Variants in RCAN1 observed in about 807,000 individuals in gnomAD.
RCAN1 encodes regulator of calcineurin 1, also known as calcipressin-1.
In RCAN1, 11 loss-of-function variants were observed where a neutral mutation model predicts 22.9. The ratio of observed to expected loss-of-function variants is 0.48; its 90% CI spans 0.30 to 0.79. The LOEUF is 0.79. Ranked by LOEUF, RCAN1 falls within the 30% of genes least tolerant of loss-of-function variation. The probability of loss-of-function intolerance (pLI) is 0.06; values close to 1 mark genes in which losing one functional copy is unlikely to be tolerated. For synonymous variants in RCAN1, 136 were observed against 142.3 expected (o/e 0.96, Z 0.32); for missense variants, 291 against 337.8 (o/e 0.86, Z 1.09).
intron 1 of RCAN1, among the ~76,000 whole-genome samples, chr21:34,584,072 T>G (rs1185699283): frequency 6.6e-6 from 1 of 152,232 alleles, no homozygotes; most frequent in Non-Finnish European, 1.5e-5. Flanking sequence ...CTGCTCCTAC[T>G]TGGATTCCTG....
chr21:34,539,743 C>T (rs57404049), intron 1 of RCAN1, among the ~76,000 whole-genome samples: 13,533 of 152,214 alleles, frequency 0.089, 953 homozygotes, highest in African/African-American at 0.19. Flanking sequence ...CTGTTATGCA[C>T]AATCTCTAAA....
At chr21:34,553,260 C>T (rs1986435049) in intron 1 of RCAN1, among the ~76,000 whole-genome samples, 2 of 152,136 alleles carry the variant, frequency 1.3e-5, no homozygotes, top group Admixed American at 6.6e-5. Context: ...GAGATCCATT[C>T]CAGCTGATAG....
chr21:34,525,722 A>C (rs1984998466), intron 1 of RCAN1: 2 of 184,084 alleles, frequency 1.1e-5, no homozygotes, highest in Non-Finnish European at 2.2e-5. Context: ...TAGTTATTAT[A>C]GCTTTTGGAT....
chr21:34,545,501 A>T (rs1382682848), intron 1 of RCAN1, among the ~76,000 whole-genome samples: 1 of 152,204 alleles, frequency 6.6e-6, no homozygotes, highest in African/African-American at 2.4e-5. Flanking sequence ...TGAAAGGGAA[A>T]CACTGAGAAA....
chr21:34,521,626 C>T lies in RCAN1; in HGVS notation c.459G>A (p.Pro153=), dbSNP rs187032984. Residue 153 remains proline (P), a synonymous_variant, in exon 3 of 4, where the codon CCG becomes CCA. Coordinates refer to ENST00000313806, the MANE Select transcript of RCAN1 (RefSeq NM_004414.7). ...TLHIGSSHLA[P]PNPDKQFLIS... ...TCAGAAACTGCTTGTCTGGATTTGG[C>T]GGAGCCAGGTGTGAGCTTCCTATGT... is the stretch of plus-strand genomic sequence containing the variant. 570 of 1,613,268 alleles carry T rather than the reference C, an allele frequency of 3.5e-4. 2 individuals are homozygous for T. The East Asian group carries it at 8.0e-3, about 23-fold the overall frequency.
At chr21:34,604,421 A>G (rs1988460774) in intron 1 of RCAN1, among the ~76,000 whole-genome samples, 1 of 152,126 alleles carries the variant, frequency 6.6e-6, no homozygotes. Flanking sequence ...GATAAGCCAC[A>G]GCACCCGGCC....
intron 1 of RCAN1, among the ~76,000 whole-genome samples, chr21:34,580,926 C>A (rs946023383): frequency 6.6e-6 from 1 of 152,102 alleles, no homozygotes; most frequent in African/African-American, 2.4e-5. Flanking sequence ...GGCAGGCAGG[C>A]AACACAGGGG....
chr21:34,570,405 G>T (rs1394145368), intron 1 of RCAN1, among the ~76,000 whole-genome samples: 1 of 152,204 alleles, frequency 6.6e-6, no homozygotes, highest in South Asian at 2.1e-4. Flanking sequence ...GGTGTAAGAG[G>T]TCTGGTAAAT....
At chr21:34,526,640 T>C in intron 1 of RCAN1, 1 of 1,603,446 alleles carries the variant, frequency 6.2e-7, no homozygotes. Context: ...CTAAAGAAAA[T>C]CACGTTATAT....
chr21:34,540,311 C>T (rs1037670111), intron 1 of RCAN1, among the ~76,000 whole-genome samples: 4 of 152,172 alleles, frequency 2.6e-5, no homozygotes, highest in Non-Finnish European at 5.9e-5. Flanking sequence ...GGGGAAAATT[C>T]TCTGCACAGG....
At chr21:34,599,259 G>A (rs1601215399) in intron 1 of RCAN1, among the ~76,000 whole-genome samples, 2 of 152,172 alleles carry the variant, frequency 1.3e-5, no homozygotes, top group African/African-American at 4.8e-5. Flanking sequence ...AATAGGAATA[G>A]CTGGTTGAGT....
At position 34,613,278 on chromosome 21, in the gene RCAN1, A is replaced by C. The variant is rs563837229; in HGVS notation, c.252+1482T>G. 5.9e-5 allele frequency among the ~76,000 whole-genome samples: 9 copies of C among 152,266 alleles called. No individual in the cohort carries two copies. The South Asian group carries it at 1.9e-3, about 32-fold the overall frequency. On this transcript the variant is annotated intron_variant, in intron 1 of 3. Coordinates refer to ENST00000313806, the MANE Select transcript of RCAN1 (RefSeq NM_004414.7). The stretch of plus-strand genomic sequence containing the variant: ...TCCAAGTCTTATTTTTTCCTATAGC[A>C]TCATTACTTTCTGATACATTTGATA...
intron 1 of RCAN1, among the ~76,000 whole-genome samples, chr21:34,527,346 G>C (rs570082820): frequency 6.6e-6 from 1 of 152,006 alleles, no homozygotes; most frequent in African/African-American, 2.4e-5. Context: ...TTCACTTTGG[G>C]GTATTAGAGA....
At chr21:34,526,985 C>T in intron 1 of RCAN1, 2 of 1,328,196 alleles carry the variant, frequency 1.5e-6, no homozygotes, top group South Asian at 1.8e-5. Context: ...TAAGTTTCTA[C>T]TGGAAAGAGG....
intron 1 of RCAN1, among the ~76,000 whole-genome samples, chr21:34,569,739 A>T (rs768724361): frequency 1.3e-5 from 2 of 152,254 alleles, no homozygotes; most frequent in African/African-American, 2.4e-5. Context: ...CTAGGTGTTT[A>T]TATATATCAT....
intron 1 of RCAN1, among the ~76,000 whole-genome samples, chr21:34,543,465 C>T (rs999267884): frequency 6.6e-6 from 1 of 152,224 alleles, no homozygotes; most frequent in African/African-American, 2.4e-5. Flanking sequence ...AGAAGTAACG[C>T]AGCCAGGCTG....
chr21:34,533,106 GCC>G (rs1443726781), intron 1 of RCAN1, among the ~76,000 whole-genome samples: 23 of 151,510 alleles, frequency 1.5e-4, no homozygotes, highest in Admixed American at 7.9e-4. Flanking sequence ...GACTACAGGT[GCC>G]CGCCACCACG....
At chr21:34,601,261 T>A (rs929576415) in intron 1 of RCAN1, among the ~76,000 whole-genome samples, 1 of 152,214 alleles carries the variant, frequency 6.6e-6, no homozygotes, top group Non-Finnish European at 1.5e-5. Flanking sequence ...ATACTTACTA[T>A]GAGCCTGATA....
At chr21:34,548,155 T>G (rs1986220418) in intron 1 of RCAN1, among the ~76,000 whole-genome samples, 1 of 152,216 alleles carries the variant, frequency 6.6e-6, no homozygotes, top group Non-Finnish European at 1.5e-5. Context: ...CCCGAGCAGA[T>G]GAAGACACCT....
Sources: gnomAD v4.1 joint callset for allele counts (sites outside exome capture counted in the v4.1 genomes callset) on GRCh38, gnomAD v4.1.1 for gene constraint, MANE v1.5 for transcripts, NCBI Gene and HGNC (gene_info 2026-07-23, HGNC 2026-07-21) for gene names.